STK3: variants seen among roughly 807,000 people sequenced by gnomAD.
STK3 encodes serine/threonine kinase 3, also known as serine/threonine-protein kinase 3.
A neutral mutation model predicts 58.0 loss-of-function variants in STK3; 41 were observed. The observed-to-expected ratio is 0.71, with a 90% CI of 0.55 to 0.92. The LOEUF is 0.92. STK3 is among the 40% of genes least tolerant of loss of function. The pLI, the probability that STK3 is intolerant of heterozygous loss-of-function variation, is 0.00. For missense variants in STK3, 479 were observed against 602.7 expected, an observed-to-expected ratio of 0.79 and a Z score of 2.15; for synonymous variants, 170 against 191.0, an observed-to-expected ratio of 0.89 and a Z score of 0.91.
At chr8:98,535,666 G>A (rs954775168) in intron 9 of STK3, among the ~76,000 whole-genome samples, 1 of 152,006 alleles carries the variant, frequency 6.6e-6, no homozygotes, top group African/African-American at 2.4e-5. Context: ...ACCATTATTG[G>A]AGTAAATTAA....
At chr8:98,439,820 C>A (rs1404941136) in intron 1 of STK3, among the ~76,000 whole-genome samples, 1 of 152,220 alleles carries the variant, frequency 6.6e-6, no homozygotes, top group African/African-American at 2.4e-5. Flanking sequence ...ATGAAGTCTG[C>A]ATACCGATTC....
At chr8:98,357,123 TAAGATGCCATGA>T in the STK3 span, among the ~76,000 whole-genome samples, 3 of 152,314 alleles carry the variant, frequency 2.0e-5, no homozygotes, top group African/African-American at 7.2e-5. Flanking sequence ...GCCCTGAGCT[TAAGATGCCATGA>T]ACATAATTTT....
In STK3 at chr8:98,755,956, A is replaced by G. The variant is rs547419512; in HGVS notation, c.237-6566T>C. 2.0e-5 allele frequency among the ~76,000 whole-genome samples: 3 copies of G among 152,214 alleles called. No homozygotes were observed. The South Asian group carries it at 6.2e-4, about 32-fold the overall frequency. On this transcript the variant is annotated intron_variant, in intron 3 of 10. Transcript: ENST00000419617. ...AGAGATCGAGACCATCCTGGCCAAC[A>G]TGGTGAAACCCTGTCTCTACTAAAA...
intron 1 of STK3, among the ~76,000 whole-genome samples, chr8:98,926,371 G>T (rs1287102164): frequency 6.6e-6 from 1 of 152,144 alleles, no homozygotes; most frequent in Non-Finnish European, 1.5e-5. Context: ...TGATTTATTA[G>T]TCAGCTACAG....
At chr8:98,371,526 A>G (rs556675216) in exon 3 of STK3, 2 of 152,362 alleles carry the variant, frequency 1.3e-5, no homozygotes, top group African/African-American at 4.8e-5. Context: ...AGGAGAAAGC[A>G]CAAGGGCGGT....
At chr8:98,485,837 A>G (rs1209980405) in intron 10 of STK3, among the ~76,000 whole-genome samples, 1 of 152,238 alleles carries the variant, frequency 6.6e-6, no homozygotes, top group Non-Finnish European at 1.5e-5. Flanking sequence ...TATAAACCAA[A>G]AAATTTAGCA....
chr8:98,621,730 C>G (rs1480869282), intron 6 of STK3, among the ~76,000 whole-genome samples: 1 of 152,032 alleles, frequency 6.6e-6, no homozygotes, highest in Non-Finnish European at 1.5e-5. Flanking sequence ...AACAACCCAG[C>G]TGTCTGTATG....
intron 8 of STK3, among the ~76,000 whole-genome samples, chr8:98,561,289 C>T (rs1474713233): frequency 1.3e-5 from 2 of 150,878 alleles, no homozygotes; most frequent in East Asian, 2.0e-4. Flanking sequence ...CTAGAACAAC[C>T]GGATATCCAT....
intron 1 of STK3, among the ~76,000 whole-genome samples, chr8:98,788,195 A>C (rs763707044): frequency 6.6e-5 from 10 of 152,028 alleles, no homozygotes; most frequent in Non-Finnish European, 1.0e-4. Context: ...TAATCTCAAT[A>C]CTGGGAGGCC....
chr8:98,787,670 G>A (rs890331313), intron 1 of STK3, among the ~76,000 whole-genome samples: 1 of 152,108 alleles, frequency 6.6e-6, no homozygotes, highest in Non-Finnish European at 1.5e-5. Context: ...AGAGTCTTAA[G>A]AGCCATGAGG....
the STK3 span, among the ~76,000 whole-genome samples, chr8:98,353,809 G>T: frequency 5.9e-5 from 9 of 152,278 alleles, no homozygotes; most frequent in Middle Eastern, 3.4e-3. Context: ...GATATAATAG[G>T]TATGGGTATA....
intron 3 of STK3, among the ~76,000 whole-genome samples, chr8:98,849,245 A>C (rs983696794): frequency 2.8e-4 from 41 of 148,672 alleles, no homozygotes; most frequent in Admixed American, 1.1e-3. Flanking sequence ...AAAAAAAAAG[A>C]AATTCTTAAA....
At chr8:98,647,460 T>A (rs1167300484) in intron 6 of STK3, among the ~76,000 whole-genome samples, 17 of 152,220 alleles carry the variant, frequency 1.1e-4, no homozygotes. Flanking sequence ...CCTAGAAAGG[T>A]ATCTGGCAGA....
chr8:98,518,455 A>T (rs185271753), intron 10 of STK3, among the ~76,000 whole-genome samples: 1 of 152,168 alleles, frequency 6.6e-6, no homozygotes, highest in Non-Finnish European at 1.5e-5. Flanking sequence ...AAAAAATTTT[A>T]AAAACCAGTG....
intron 6 of STK3, among the ~76,000 whole-genome samples, chr8:98,651,209 G>A (rs528383380): frequency 5.1e-4 from 78 of 152,320 alleles, no homozygotes; most frequent in African/African-American, 1.7e-3. Flanking sequence ...TGCAGCCACC[G>A]CTGCTGGTAC....
At chr8:98,725,280 A>C (rs1339782074) in intron 4 of STK3, among the ~76,000 whole-genome samples, 2 of 152,224 alleles carry the variant, frequency 1.3e-5, no homozygotes, top group African/African-American at 4.8e-5. Context: ...ATACATACAT[A>C]TGTGGTGAAA....
chr8:98,836,706 C>T (rs1251665796), intron 3 of STK3, among the ~76,000 whole-genome samples: 2 of 152,040 alleles, frequency 1.3e-5, no homozygotes, highest in African/African-American at 2.4e-5. Flanking sequence ...GCAAAGAATC[C>T]CAGGCCCCAC....
rs547721194 is a variant in STK3 at position 98,411,124 on chromosome 8, G to A, written n.484-9611C>T. On this transcript the variant is annotated intron_variant and non_coding_transcript_variant, in intron 3 of 3. Transcript: ENST00000517832. The stretch of plus-strand genomic sequence containing the variant: ...CCACATAAATTTGAGTGTCCTCATG[G>A]CCTTTTCAGCTCTTGCATAGTCAAA... Among the ~76,000 whole-genome samples the A allele has an allele frequency of 5.9e-5, 9 of 152,282 alleles. No homozygotes were observed. In the East Asian group the frequency reaches 1.3e-3, roughly 23 times the overall value.
chr8:98,698,653 G>T (rs913758822), intron 6 of STK3, among the ~76,000 whole-genome samples: 8 of 152,172 alleles, frequency 5.3e-5, no homozygotes, highest in African/African-American at 7.2e-5. Flanking sequence ...GAAATTCTGG[G>T]TTGAAAATTC....
Sources: gnomAD v4.1 joint callset for allele counts (sites outside exome capture counted in the v4.1 genomes callset) on GRCh38, gnomAD v4.1.1 for gene constraint, MANE v1.5 for transcripts, NCBI Gene and HGNC (gene_info 2026-07-23, HGNC 2026-07-21) for gene names.